Variants in SUSD4 observed in about 807,000 individuals in gnomAD.
The protein encoded by SUSD4 is sushi domain-containing protein 4.
Under a neutral mutation model 50.5 loss-of-function variants are expected in SUSD4, and 41 were observed. The ratio of observed to expected loss-of-function variants is 0.81; its 90% CI spans 0.63 to 1.05. SUSD4 has a LOEUF of 1.05. Among genes scored for constraint, SUSD4 ranks in the 50% least tolerant of loss-of-function variants. The pLI, the probability that SUSD4 is intolerant of heterozygous loss-of-function variation, is 0.00. For missense variants in SUSD4, 580 were observed against 634.7 expected (o/e 0.91, Z 0.93); for synonymous variants, 257 against 257.3 (o/e 1.00, Z 0.01).
At chr1:223,247,991 T>C (rs921351330) in intron 5 of SUSD4, among the ~76,000 whole-genome samples, 1 of 152,214 alleles carries the variant, frequency 6.6e-6, no homozygotes, top group Non-Finnish European at 1.5e-5. Context: ...TTGCAGTCCA[T>C]GGACTGTCCA....
Position 223,268,611 on chromosome 1 carries a change from C to T in SUSD4, c.426G>A (p.Lys142=), listed in dbSNP as rs1662690965. 1 of 1,614,050 alleles carries T rather than the reference C, an allele frequency of 6.2e-7. No individual in the cohort carries two copies. Among genetic ancestry groups the T allele is most frequent in the East Asian group, 2.2e-5 (1 of 44,870 alleles). ...ATCCTTCATGACAAGTGATGATTAG[C>T]TTCTCTCCATGTCTATATGTCTTGT... is the stretch of plus-strand genomic sequence containing the variant. ...IHNKTYRHGE[K]LIITCHEGFK... The change falls in exon 4 of 9, where the codon AAG becomes AAA. Residue 142 remains lysine, a synonymous_variant. Coordinates refer to ENST00000366878, the MANE Select transcript of SUSD4 (RefSeq NM_017982.4).
intron 5 of SUSD4, among the ~76,000 whole-genome samples, chr1:223,241,350 G>C (rs573203610): frequency 2.0e-5 from 3 of 152,274 alleles, no homozygotes; most frequent in African/African-American, 7.2e-5. Context: ...TGCCCCTAGA[G>C]CTTTTACCTC....
At chr1:223,264,850 C>T in intron 4 of SUSD4, 32 bp from the exon 5 acceptor site, 1 of 1,604,466 alleles carries the variant, frequency 6.2e-7, no homozygotes, top group Non-Finnish European at 8.5e-7. Flanking sequence ...GGGAAAGATT[C>T]CACTCTGTCA....
chr1:223,300,750 G>A (rs769994502), intron 2 of SUSD4, among the ~76,000 whole-genome samples: 5 of 152,230 alleles, frequency 3.3e-5, no homozygotes, highest in South Asian at 2.1e-4. Context: ...TTAAACAGAC[G>A]GATTTGCAAA....
chr1:223,242,723 G>A (rs555692059), intron 5 of SUSD4, among the ~76,000 whole-genome samples: 1 of 152,254 alleles, frequency 6.6e-6, no homozygotes, highest in South Asian at 2.1e-4. Context: ...AATAATACCC[G>A]CTCACTAGAG....
At chr1:223,285,793 T>C (rs914427894) in intron 3 of SUSD4, among the ~76,000 whole-genome samples, 15 of 152,086 alleles carry the variant, frequency 9.9e-5, no homozygotes, top group Non-Finnish European at 1.5e-5. Flanking sequence ...TAAGCAATGA[T>C]AACATGTGGA....
rs538484118 is a variant in SUSD4 at position 223,310,953 on chromosome 1, CT to C, written c.149-18303del. Among the ~76,000 whole-genome samples, 454 of 152,272 alleles carry C rather than the reference CT, an allele frequency of 3.0e-3. 2 individuals carry two copies. The highest frequency in any genetic ancestry group is 0.01 in the African/African-American group (426 of 41,554). On this transcript the variant is annotated intron_variant, in intron 2 of 8. Transcript: ENST00000366878. ...TAACATAATGTCCCTTTAGTGCCCCCTCTAAATCATCTCCCTGCCTGAGAAG... is the reference window on the plus strand; with the variant it reads ...TAACATAATGTCCCTTTAGTGCCCCCCTAAATCATCTCCCTGCCTGAGAAG...
intron 5 of SUSD4, among the ~76,000 whole-genome samples, chr1:223,244,757 C>G (rs985842936): frequency 8.5e-5 from 13 of 152,178 alleles, no homozygotes; most frequent in African/African-American, 3.1e-4. Flanking sequence ...AAAGTACCTT[C>G]AGCAGGGAAT....
chr1:223,265,370 TA>T (rs1662421517), intron 4 of SUSD4, among the ~76,000 whole-genome samples: 1 of 152,218 alleles, frequency 6.6e-6, no homozygotes, highest in Non-Finnish European at 1.5e-5. Context: ...AGTTGTGTTT[TA>T]TGTAAAACAG....
Position 223,363,456 on chromosome 1 carries a change from A to T in SUSD4, c.-31T>A, listed in dbSNP as rs1272937281. On this transcript the variant is annotated 5_prime_UTR_variant, in exon 2 of 9. It adds an upstream start codon to the 5' untranslated region. Coordinates refer to ENST00000366878, the MANE Select transcript of SUSD4 (RefSeq NM_017982.4). The stretch of plus-strand genomic sequence containing the variant: ...ATCCACAGAGGGCATCCAGCTTGCA[A>T]GAGTCTGCAACCAGAAGCGGAACAC... 2.7e-6 allele frequency: 4 copies of T among 1,506,452 alleles called. No homozygotes were observed. Among genetic ancestry groups the T allele is most frequent in the Non-Finnish European group, 2.7e-6 (3 of 1,119,116 alleles). The allele number at this position is 1,506,452 out of a possible 1,614,324, so 93.3% of individuals were successfully genotyped here.
At chr1:223,234,489 C>A (rs748045367) in intron 5 of SUSD4, among the ~76,000 whole-genome samples, 4 of 152,174 alleles carry the variant, frequency 2.6e-5, no homozygotes, top group Non-Finnish European at 5.9e-5. Flanking sequence ...GTTTTTCTAA[C>A]TCCTGTAGCA....
chr1:223,276,339 C>G (rs1041713387), intron 3 of SUSD4, among the ~76,000 whole-genome samples: 3 of 152,230 alleles, frequency 2.0e-5, no homozygotes, highest in Non-Finnish European at 4.4e-5. Context: ...TCCCTACCTC[C>G]ACAGCCCCTG....
intron 2 of SUSD4, among the ~76,000 whole-genome samples, chr1:223,305,810 C>T (rs1420214492): frequency 6.6e-6 from 1 of 152,152 alleles, no homozygotes; most frequent in East Asian, 1.9e-4. Context: ...TTGGGGGATG[C>T]AGAATTCATC....
At chr1:223,263,408 G>A (rs767484394) in intron 5 of SUSD4, among the ~76,000 whole-genome samples, 10 of 152,124 alleles carry the variant, frequency 6.6e-5, no homozygotes, top group African/African-American at 1.9e-4. Flanking sequence ...CCCATATATC[G>A]ACATGCTCAT....
intron 5 of SUSD4, among the ~76,000 whole-genome samples, chr1:223,251,171 T>G (rs944300186): frequency 6.6e-6 from 1 of 152,192 alleles, no homozygotes; most frequent in Non-Finnish European, 1.5e-5. Context: ...TATCCAAGAC[T>G]GGGTAATTTA....
chr1:223,274,268 A>G (rs1663111668), intron 3 of SUSD4, among the ~76,000 whole-genome samples: 1 of 152,172 alleles, frequency 6.6e-6, no homozygotes, highest in South Asian at 2.1e-4. Flanking sequence ...TGATTTGACC[A>G]CCAGCAATTA....
intron 3 of SUSD4, among the ~76,000 whole-genome samples, chr1:223,290,223 T>C (rs566503786): frequency 2.0e-5 from 3 of 152,202 alleles, no homozygotes; most frequent in Non-Finnish European, 2.9e-5. Context: ...TCAGGGAGCA[T>C]GGCTATTTAC....
At chr1:223,265,630 G>T (rs1662441780) in intron 4 of SUSD4, among the ~76,000 whole-genome samples, 2 of 152,200 alleles carry the variant, frequency 1.3e-5, no homozygotes, top group African/African-American at 4.8e-5. Flanking sequence ...GTGTGCAATA[G>T]TGTGGAAGTG....
intron 2 of SUSD4, among the ~76,000 whole-genome samples, chr1:223,345,091 T>C (rs1393792997): frequency 6.6e-6 from 1 of 152,098 alleles, no homozygotes; most frequent in Non-Finnish European, 1.5e-5. Flanking sequence ...GTAAAGAAAA[T>C]AGATAATTGG....
Sources: gnomAD v4.1 joint callset for allele counts (sites outside exome capture counted in the v4.1 genomes callset) on GRCh38, gnomAD v4.1.1 for gene constraint, MANE v1.5 for transcripts, NCBI Gene and HGNC (gene_info 2026-07-23, HGNC 2026-07-21) for gene names.